The following SYNE1 variants were observed in gnomAD, a reference collection of about 807,000 sequenced individuals.
SYNE1 encodes spectrin repeat containing nuclear envelope protein 1.
Under a neutral mutation model 1,111.0 loss-of-function variants are expected in SYNE1, and 616 were observed. That is an observed-to-expected ratio of 0.55 (90% CI 0.52 to 0.59). The LOEUF is 0.59. SYNE1 is among the 20% of genes least tolerant of loss of function. SYNE1 has a pLI of 0.00. For missense variants in SYNE1, 10,006 were observed against 10,417.0 expected, an observed-to-expected ratio of 0.96 and a Z score of 1.72; for synonymous variants, 3,855 against 3,825.8, an observed-to-expected ratio of 1.01 and a Z score of -0.28.
At chr6:152,531,573 C>T (rs1212692077) in intron 4 of SYNE1, among the ~76,000 whole-genome samples, 1 of 152,144 alleles carries the variant, frequency 6.6e-6, no homozygotes, top group Non-Finnish European at 1.5e-5. Flanking sequence ...TTAAATATTT[C>T]CACATTATTG....
Position 152,442,117 on chromosome 6 carries a change from A to G in SYNE1, c.3966T>C (p.Asp1322=), listed in dbSNP as rs543621266. The G allele has an allele frequency of 6.2e-7, 1 of 1,614,058 alleles. No homozygotes were observed. The highest frequency in any genetic ancestry group is 1.7e-5 in the Admixed American group (1 of 60,028). The change falls in exon 31 of 146, where the codon GAT becomes GAC. Residue 1322 remains aspartate (D), a synonymous_variant. Coordinates refer to ENST00000367255, the MANE Select transcript of SYNE1 (RefSeq NM_182961.4). ...EELRKLESTL[D]GLERSRERQE... ...GCCTCTCCCGGCTGCGCTCCAGGCC[A>G]TCCAGTGTGCTCTCCAGCTTCCGCA... is the stretch of plus-strand genomic sequence containing the variant.
chr6:152,439,343 CATCTTTGT>C (rs2098506127), intron 32 of SYNE1, among the ~76,000 whole-genome samples: 1 of 152,178 alleles, frequency 6.6e-6, no homozygotes, highest in Admixed American at 6.5e-5. Context: ...ACCCAATAAA[CATCTTTGT>C]ATTTATAAAA....
At position 152,221,496 on chromosome 6, in the gene SYNE1, G is replaced by T. The variant is rs780059512; in HGVS notation, c.21586C>A (p.Gln7196Lys). The T allele has an allele frequency of 2.5e-6, 4 of 1,613,860 alleles. No individual in the cohort carries two copies. In the South Asian group the frequency reaches 4.4e-5, roughly 18 times the overall value. Reference sequence around the variant, plus strand: ...GGTGGGTGACACTCTTTTAATAATTGGTTGGTGATAGAGCCAAATTTCTGT... The same window carrying T: ...GGTGGGTGACACTCTTTTAATAATTTGTTGGTGATAGAGCCAAATTTCTGT... ...SLQKFGSITNQLLKECHPPVT... is the reference protein window; with the variant it reads ...SLQKFGSITNKLLKECHPPVT... The change falls in exon 118 of 146, where the codon CAA (glutamine) becomes AAA (lysine). Residue 7196 changes from glutamine to lysine, a missense_variant. Transcript: ENST00000367255.
intron 98 of SYNE1, 30 bp from the exon 99 acceptor site, chr6:152,269,316 T>G (rs1459407080): frequency 5.6e-6 from 9 of 1,613,618 alleles, no homozygotes; most frequent in Non-Finnish European, 7.6e-6. Flanking sequence ...AATCAAGTCA[T>G]GCTACACACC....
chr6:152,381,015 G>T lies in SYNE1; in HGVS notation c.9000C>A (p.His3000Gln), dbSNP rs1057524475. ...NTDEEIVECW[H>Q]KGQEILDALQ... ...CAGGAAGCCAACTTACTTGTCCTTT[G>T]TGCCAGCATTCCACTATCTCCTCAT... The change falls in exon 56 of 146, where the codon CAC becomes CAA. Residue 3000 changes from histidine (H) to glutamine (Q), a missense_variant. Physicochemically the swap from His to Gln is conservative, Grantham distance 24 (BLOSUM62 0). This residue lies in a region of SYNE1 where 4,955 missense variants were observed against 5,017.2 expected (regional missense o/e 0.99). Transcript: ENST00000367255. The T allele has an allele frequency of 1.4e-5, 23 of 1,613,982 alleles. No individual in the cohort carries two copies. Among genetic ancestry groups the T allele is most frequent in the Non-Finnish European group, 1.8e-5 (21 of 1,179,932 alleles).
intron 98 of SYNE1, among the ~76,000 whole-genome samples, chr6:152,274,373 G>C (rs2093429900): frequency 6.6e-6 from 1 of 151,742 alleles, no homozygotes; most frequent in African/African-American, 2.4e-5. Flanking sequence ...CATATCTTTT[G>C]TCCATATTCT....
chr6:152,488,001 G>A (rs964059402), intron 12 of SYNE1, among the ~76,000 whole-genome samples: 6 of 151,590 alleles, frequency 4.0e-5, no homozygotes, highest in African/African-American at 1.5e-4. Flanking sequence ...TGTGAACCCA[G>A]GAGGCAGAGC....
intron 128 of SYNE1, among the ~76,000 whole-genome samples, chr6:152,184,437 C>CA (rs199660419): frequency 1.9e-3 from 199 of 104,734 alleles, no homozygotes; most frequent in African/African-American, 3.2e-3. Context: ...AACTCTGTTT[C>CA]AAAAAAAAAA....
chr6:152,504,842 T>A (rs1299924310), intron 9 of SYNE1, among the ~76,000 whole-genome samples: 1 of 152,200 alleles, frequency 6.6e-6, no homozygotes, highest in East Asian at 1.9e-4. Flanking sequence ...TAAGTATGAA[T>A]AATCTACATC....
rs1479407225 is a variant in SYNE1, at chr6:152,410,018, T to C, written c.6231-309A>G. Among the ~76,000 whole-genome samples the C allele has an allele frequency of 2.6e-5, 4 of 152,244 alleles. No homozygotes were observed. The East Asian group carries it at 5.8e-4, about 22-fold the overall frequency. On this transcript the variant is annotated intron_variant, in intron 42 of 145. Transcript: ENST00000367255. The stretch of plus-strand genomic sequence containing the variant: ...TCTTGCCAACTCAAACTTACATAGA[T>C]GAGTCATCCAAATATATATATTTTT...
chr6:152,304,285 G>A (rs1340260012), intron 91 of SYNE1, among the ~76,000 whole-genome samples: 3 of 152,056 alleles, frequency 2.0e-5, no homozygotes, highest in East Asian at 1.9e-4. Context: ...CCAAGCTTTC[G>A]CACAATGGTT....
At chr6:152,221,365 A>G (rs1361579377) in intron 118 of SYNE1, 61 bp downstream of exon 118, 3 of 1,582,602 alleles carry the variant, frequency 1.9e-6, no homozygotes, top group Middle Eastern at 1.8e-4. Flanking sequence ...TGTTTTAATT[A>G]TATCATTATT....
Position 152,628,467 on chromosome 6 carries a change from C to T in SYNE1, c.-136G>A. ...AAATGAATTCCAGGCCTTTGCAGCA[C>T]TCAACAAGGAGGCAGCTCTCCCAAA... On this transcript the variant is annotated 5_prime_UTR_variant, in exon 3 of 146. It adds an upstream start codon to the 5' untranslated region. Coordinates refer to ENST00000367255, the MANE Select transcript of SYNE1 (RefSeq NM_182961.4). 1.2e-6 allele frequency: 1 copy of T among 853,002 alleles called. No individual in the cohort carries two copies. The highest frequency in any genetic ancestry group is 1.4e-5 in the South Asian group (1 of 73,068). The allele number at this position is 853,002 out of a possible 1,614,324, so 52.8% of individuals were successfully genotyped here.
intron 3 of SYNE1, among the ~76,000 whole-genome samples, chr6:152,545,670 A>G (rs1304030279): frequency 6.6e-6 from 1 of 152,206 alleles, no homozygotes; most frequent in Non-Finnish European, 1.5e-5. Context: ...TCTCTGGCAA[A>G]ATAAATACAT....
At position 152,135,197 on chromosome 6, in the gene SYNE1, C is replaced by T. The variant is rs1404142684; in HGVS notation, c.25695G>A (p.Met8565Ile). 6.2e-7 allele frequency: 1 copy of T among 1,614,018 alleles called. No individual in the cohort carries two copies. Among genetic ancestry groups the T allele is most frequent in the Non-Finnish European group, 8.5e-7 (1 of 1,180,018 alleles). ...FHEMSHGLLL[M>I]LENIDRRKNE... ...TTTTCCTTCTGTCAATGTTCTCCAG[C>T]ATAAGAAGCAAACCATGGCTCATTT... The change falls in exon 142 of 146, where the codon ATG (methionine) becomes ATA (isoleucine). Residue 8565 changes from methionine (M) to isoleucine (I), a missense_variant. Transcript: ENST00000367255.
Position 152,633,334 on chromosome 6 carries a change from G to A in SYNE1, c.-224+3304C>T, listed in dbSNP as rs1207679128. The stretch of plus-strand genomic sequence containing the variant: ...ATACATTCAGAAAGGTAAGATTCCT[G>A]TATTTATTATTTCACAATAAATATG... On this transcript the variant is annotated intron_variant, in intron 2 of 145. Coordinates refer to ENST00000367255, the MANE Select transcript of SYNE1 (RefSeq NM_182961.4). 3.3e-5 allele frequency among the ~76,000 whole-genome samples: 5 copies of A among 152,274 alleles called. No individual in the cohort carries two copies. In the East Asian group the frequency reaches 9.6e-4, roughly 29 times the overall value.
chr6:152,334,409 T>C (rs2096329976), intron 76 of SYNE1, 136 bp from the exon 77 acceptor site: 7 of 992,858 alleles, frequency 7.1e-6, no homozygotes, highest in Non-Finnish European at 8.7e-6. Flanking sequence ...GTATAATAAG[T>C]TATGGGAAAC....
intron 3 of SYNE1, among the ~76,000 whole-genome samples, chr6:152,589,554 T>C (rs1295210150): frequency 1.3e-5 from 2 of 152,130 alleles, no homozygotes; most frequent in African/African-American, 2.4e-5. Flanking sequence ...TAGAACCATA[T>C]GGGAACTTTT....
Position 152,300,753 on chromosome 6 carries a change from A to G in SYNE1, c.17570T>C (p.Leu5857Pro). Residue 5857 changes from leucine to proline, a missense_variant, in exon 93 of 146, where the codon CTG becomes CCG. Leu to Pro is a moderately conservative substitution (Grantham distance 98, BLOSUM62 -3). Around this residue, in one of 7 missense-constraint regions of SYNE1, gnomAD observed 4,955 missense variants for 5,017.2 expected, o/e 0.99. Coordinates refer to ENST00000367255, the MANE Select transcript of SYNE1 (RefSeq NM_182961.4). ...CCCAGACTCCTCAGTGACCGGTGAC[A>G]GCAAAGTGTGACAGCGACCTGCAGT... ...MMTAGRCHTLLSPVTEESGEE... is the reference protein window; with the variant it reads ...MMTAGRCHTLPSPVTEESGEE... 6.2e-7 allele frequency: 1 copy of G among 1,614,250 alleles called. No homozygotes were observed. The highest frequency in any genetic ancestry group is 8.5e-7 in the Non-Finnish European group (1 of 1,180,046).
Sources: allele counts gnomAD v4.1 joint callset (sites outside exome capture counted in the v4.1 genomes callset), GRCh38; gene constraint gnomAD v4.1.1; regional missense constraint gnomAD v4.1.1; transcripts MANE v1.5; gene names NCBI Gene and HGNC (gene_info 2026-07-23, HGNC 2026-07-21).